PDGFRL: variants seen among roughly 807,000 people sequenced by gnomAD.
PDGFRL encodes platelet derived growth factor receptor like.
Under a neutral mutation model 37.2 loss-of-function variants are expected in PDGFRL, and 46 were observed. The observed-to-expected ratio is 1.24, with a 90% CI of 0.98 to 1.58. The LOEUF (loss-of-function observed/expected upper bound fraction) is 1.58, where lower values mean the gene tolerates loss of function less well. Among genes scored for constraint, PDGFRL ranks in the 40% most tolerant of loss-of-function variants. The pLI is 0.00. For missense variants in PDGFRL, 692 were observed against 467.6 expected (o/e 1.48, Z -4.43); for synonymous variants, 251 against 184.3 (o/e 1.36, Z -2.93).
chr8:17,619,776 C>A (rs1195787105), intron 2 of PDGFRL, among the ~76,000 whole-genome samples: 1 of 152,214 alleles, frequency 6.6e-6, no homozygotes, highest in African/African-American at 2.4e-5. Context: ...AAGCAAAACA[C>A]CAGGCCAAGG....
intron 2 of PDGFRL, among the ~76,000 whole-genome samples, chr8:17,596,943 G>A (rs1156810663): frequency 6.6e-6 from 1 of 152,212 alleles, no homozygotes; most frequent in African/African-American, 2.4e-5. Flanking sequence ...CGTAGAATGA[G>A]TTCTTTCCAG....
chr8:17,596,512 G>A (rs538892256), intron 2 of PDGFRL: 81 of 361,516 alleles, frequency 2.2e-4, no homozygotes, highest in African/African-American at 1.6e-3. Context: ...AGCATCTTAA[G>A]CTTAGAGGAT....
intron 1 of PDGFRL, among the ~76,000 whole-genome samples, chr8:17,588,422 A>G (rs1176541230): frequency 6.6e-6 from 1 of 152,058 alleles, no homozygotes; most frequent in Non-Finnish European, 1.5e-5. Context: ...CACACCTATA[A>G]TTGCAGCACT....
At chr8:17,638,529 G>C (rs1428864040) in intron 5 of PDGFRL, among the ~76,000 whole-genome samples, 3 of 151,486 alleles carry the variant, frequency 2.0e-5, no homozygotes, top group Admixed American at 6.6e-5. Flanking sequence ...CAGTTGTTGG[G>C]TCGAATGTTC....
chr8:17,600,111 C>CT (rs1172426057), intron 2 of PDGFRL, among the ~76,000 whole-genome samples: 1 of 152,180 alleles, frequency 6.6e-6, no homozygotes, highest in South Asian at 2.1e-4. Flanking sequence ...ATTGTATTCA[C>CT]TTTTTTTCTT....
intron 5 of PDGFRL, among the ~76,000 whole-genome samples, chr8:17,641,890 T>C (rs1269746402): frequency 3.1e-5 from 1 of 32,306 alleles, no homozygotes; most frequent in Non-Finnish European, 5.4e-5. Context: ...TGATTTTCAA[T>C]AGAGGTCCCC....
intron 1 of PDGFRL, among the ~76,000 whole-genome samples, chr8:17,578,040 T>A (rs954733351): frequency 7.3e-5 from 3 of 40,940 alleles, no homozygotes; most frequent in Non-Finnish European, 1.1e-4. Context: ...CAGGGTCTGG[T>A]GTTATTTTTC....
At position 17,642,706 on chromosome 8, in the gene PDGFRL, GA is replaced by G. The variant is rs1805167833; in HGVS notation, c.1035del (p.Asp346ThrfsTer23). 1.9e-6 allele frequency: 3 copies of G among 1,604,382 alleles called. No homozygotes were observed. The highest frequency in any genetic ancestry group is 2.6e-6 in the Non-Finnish European group (3 of 1,171,118). ...AATCTCCCAGAGTGTCATTACAGTGGAAGACTTTGAGACGATTGATGCAGGA... is the reference window on the plus strand; with the variant it reads ...AATCTCCCAGAGTGTCATTACAGTGGAGACTTTGAGACGATTGATGCAGGA... ...TRISQSVITV[E>X]DFETIDAGYY... is the part of the protein sequence containing the mutation. On this transcript the variant is annotated frameshift_variant, in exon 6 of 6. Coordinates refer to ENST00000251630, the MANE Select transcript of PDGFRL (RefSeq NM_001372073.1). LOFTEE classifies it high-confidence loss of function.
chr8:17,617,953 A>T (rs1450324286), intron 2 of PDGFRL, among the ~76,000 whole-genome samples: 1 of 151,340 alleles, frequency 6.6e-6, no homozygotes, highest in African/African-American at 2.4e-5. Flanking sequence ...ATTATTGTCC[A>T]CATGGGGAGA....
At chr8:17,604,756 A>G (rs1804237595) in intron 2 of PDGFRL, among the ~76,000 whole-genome samples, 2 of 152,204 alleles carry the variant, frequency 1.3e-5, no homozygotes, top group South Asian at 4.1e-4. Flanking sequence ...TTTAAAAAAA[A>G]TTTAGAGCAA....
Position 17,589,595 on chromosome 8 carries a change from A to G in PDGFRL, c.183A>G (p.Ala61=). 1.2e-6 allele frequency: 2 copies of G among 1,614,046 alleles called. No individual in the cohort carries two copies. ...KMKDRDSANS[A]PKTQSIMMQV... ...AGGACAGGGACTCAGCCAATTCAGC[A>G]CCAAAGACGCAGTCTATCATGATGC... The change falls in exon 2 of 6, where the codon GCA becomes GCG. Residue 61 remains alanine, a synonymous_variant. Coordinates refer to ENST00000251630, the MANE Select transcript of PDGFRL (RefSeq NM_001372073.1).
intron 1 of PDGFRL, among the ~76,000 whole-genome samples, chr8:17,588,999 G>T (rs1354380106): frequency 6.6e-6 from 1 of 152,138 alleles, no homozygotes; most frequent in Admixed American, 6.5e-5. Flanking sequence ...TTAATCAAAA[G>T]ATGATAATTA....
At chr8:17,636,753 G>C (rs1048612200) in intron 5 of PDGFRL, among the ~76,000 whole-genome samples, 1 of 152,066 alleles carries the variant, frequency 6.6e-6, no homozygotes, top group East Asian at 1.9e-4. Context: ...ATGAGCATGC[G>C]ATGTGTTTCC....
In PDGFRL at chr8:17,642,936, G is replaced by C. The variant is rs954502348; in HGVS notation, c.*135G>C. 2 of 605,118 alleles carry C rather than the reference G, an allele frequency of 3.3e-6. No homozygotes were observed. The highest frequency in any genetic ancestry group is 3.3e-5 in the Admixed American group (1 of 30,432). The allele number at this position is 605,118 out of a possible 1,614,324, so 37.5% of individuals were successfully genotyped here. On this transcript the variant is annotated 3_prime_UTR_variant, in exon 6 of 6. Coordinates refer to ENST00000251630, the MANE Select transcript of PDGFRL (RefSeq NM_001372073.1). ...CCCAACCCCAGCGTCTCGTGAGTCC[G>C]ACCCAGACATCCAAACTAAAAGGAA...
chr8:17,610,510 C>T (rs1161356453), intron 2 of PDGFRL, among the ~76,000 whole-genome samples: 1 of 152,198 alleles, frequency 6.6e-6, no homozygotes, highest in Non-Finnish European at 1.5e-5. Context: ...GTCCAAACCC[C>T]TCTGGTTCCA....
intron 1 of PDGFRL, among the ~76,000 whole-genome samples, chr8:17,578,062 G>T (rs1563500186): frequency 6.8e-6 from 1 of 146,534 alleles, no homozygotes; most frequent in South Asian, 2.2e-4. Context: ...GTGTGTCTGG[G>T]TGTGTGTATT....
At chr8:17,581,907 G>C (rs1173776512) in intron 1 of PDGFRL, among the ~76,000 whole-genome samples, 1 of 152,144 alleles carries the variant, frequency 6.6e-6, no homozygotes, top group Non-Finnish European at 1.5e-5. Context: ...GTGGGATATT[G>C]CTATAAAGAT....
At chr8:17,593,695 G>A (rs567137981) in intron 2 of PDGFRL, among the ~76,000 whole-genome samples, 1 of 151,890 alleles carries the variant, frequency 6.6e-6, no homozygotes. Context: ...AGGAGTTCGA[G>A]ACCAGCCTGA....
intron 1 of PDGFRL, among the ~76,000 whole-genome samples, chr8:17,582,580 C>CA (rs541086616): frequency 3.8e-4 from 41 of 107,036 alleles, no homozygotes; most frequent in African/African-American, 1.2e-3. Context: ...GACTCTGTCT[C>CA]AAAAAAAAAA....
Sources: gnomAD v4.1 joint callset for allele counts (sites outside exome capture counted in the v4.1 genomes callset) on GRCh38, gnomAD v4.1.1 for gene constraint, MANE v1.5 for transcripts, NCBI Gene and HGNC (gene_info 2026-07-23, HGNC 2026-07-21) for gene names.